Variants in LDLRAD3 observed in about 807,000 individuals in gnomAD.
The protein encoded by LDLRAD3 is low density lipoprotein receptor class A domain containing 3, also known as low-density lipoprotein receptor class A domain-containing protein 3.
Under a neutral mutation model 29.4 loss-of-function variants are expected in LDLRAD3, and 20 were observed. The observed-to-expected ratio is 0.68, with a 90% CI of 0.48 to 0.99. The LOEUF (loss-of-function observed/expected upper bound fraction) is 0.99. Ranked by LOEUF, LDLRAD3 falls within the 50% of genes least tolerant of loss-of-function variation. The probability of loss-of-function intolerance (pLI) is 0.00; values close to 1 mark genes in which losing one functional copy is unlikely to be tolerated. For synonymous variants in LDLRAD3, 157 were observed against 192.7 expected (o/e 0.81, Z 1.53); for missense variants, 420 against 454.3 (o/e 0.92, Z 0.69).
chr11:36,042,701 G>C (rs1852397432), intron 2 of LDLRAD3, among the ~76,000 whole-genome samples: 1 of 152,184 alleles, frequency 6.6e-6, no homozygotes, highest in Non-Finnish European at 1.5e-5. Flanking sequence ...TGTTAGGTGG[G>C]TCCTAATCCA....
intron 4 of LDLRAD3, among the ~76,000 whole-genome samples, chr11:36,192,249 T>C (rs991431597): frequency 2.6e-5 from 4 of 152,224 alleles, no homozygotes; most frequent in African/African-American, 9.7e-5. Flanking sequence ...ACTTTAAACG[T>C]GAGCTATCAA....
intron 4 of LDLRAD3, among the ~76,000 whole-genome samples, chr11:36,104,289 A>C (rs1459643812): frequency 1.3e-5 from 2 of 152,200 alleles, no homozygotes; most frequent in Admixed American, 1.3e-4. Context: ...TCAAACAGAG[A>C]CATCTGCAGC....
At chr11:36,192,291 G>A (rs1284141760) in intron 4 of LDLRAD3, among the ~76,000 whole-genome samples, 1 of 152,152 alleles carries the variant, frequency 6.6e-6, no homozygotes, top group Non-Finnish European at 1.5e-5. Context: ...CTCTAGCCTC[G>A]CAACAGATGA....
At position 36,158,525 on chromosome 11, in the gene LDLRAD3, C is replaced by CTT. The variant is rs61352747; in HGVS notation, c.454+60081_454+60082dup. On this transcript the variant is annotated intron_variant, in intron 4 of 5. Transcript: ENST00000315571. The stretch of plus-strand genomic sequence containing the variant: ...TTCGTTCCACTTACCATGTTCTGGG[C>CTT]TTTTTTTTTTTTTTTTTTGCCACAG... Among the ~76,000 whole-genome samples, 108 of 107,108 alleles carry CTT rather than the reference C, an allele frequency of 1.0e-3. 9 individuals carry two copies. Among genetic ancestry groups the CTT allele is most frequent in the East Asian group, 2.0e-3 (7 of 3,466 alleles). 70.3% of individuals were successfully genotyped at this position (107,108 alleles called of 152,430 possible). A position where few individuals can be genotyped will look rare whatever the true frequency, so the allele number is the denominator to read the frequency against.
chr11:35,970,576 A>G (rs757263271), intron 1 of LDLRAD3, among the ~76,000 whole-genome samples: 7 of 152,262 alleles, frequency 4.6e-5, no homozygotes, highest in Non-Finnish European at 8.8e-5. Context: ...AATTAATTAC[A>G]GCAGCCCTTG....
intron 4 of LDLRAD3, among the ~76,000 whole-genome samples, chr11:36,205,777 A>G (rs1162782911): frequency 1.3e-5 from 2 of 152,188 alleles, no homozygotes; most frequent in Non-Finnish European, 2.9e-5. Context: ...TGTGTGTTCA[A>G]TTAGTGCAAT....
intron 4 of LDLRAD3, among the ~76,000 whole-genome samples, chr11:36,207,019 C>G (rs1855220374): frequency 1.3e-5 from 2 of 152,180 alleles, no homozygotes; most frequent in African/African-American, 4.8e-5. Context: ...AACCACTGCA[C>G]CCGACCCTGA....
intron 1 of LDLRAD3, among the ~76,000 whole-genome samples, chr11:35,995,336 G>GCAGAT (rs1365672760): frequency 6.6e-6 from 1 of 152,206 alleles, no homozygotes; most frequent in Non-Finnish European, 1.5e-5. Flanking sequence ...TTGCTACTGA[G>GCAGAT]CAGTAATATT....
At chr11:35,973,853 G>T (rs537275808) in intron 1 of LDLRAD3, among the ~76,000 whole-genome samples, 2 of 152,242 alleles carry the variant, frequency 1.3e-5, no homozygotes, top group South Asian at 4.2e-4. Context: ...CTAAATGAGG[G>T]TGCCATTTTT....
chr11:36,025,306 A>T (rs1852149352), intron 1 of LDLRAD3, among the ~76,000 whole-genome samples: 1 of 152,152 alleles, frequency 6.6e-6, no homozygotes, highest in Non-Finnish European at 1.5e-5. Context: ...GGGTAGCGAA[A>T]AGTTACCAAG....
chr11:36,120,440 G>T (rs993032560), intron 4 of LDLRAD3, among the ~76,000 whole-genome samples: 1 of 152,104 alleles, frequency 6.6e-6, no homozygotes, highest in South Asian at 2.1e-4. Flanking sequence ...TATGTGCTAG[G>T]CACTCTCCTG....
chr11:36,115,829 G>A (rs1853666862), intron 4 of LDLRAD3, among the ~76,000 whole-genome samples: 6 of 152,198 alleles, frequency 3.9e-5, no homozygotes, highest in Admixed American at 3.9e-4. Flanking sequence ...GGATATGGAG[G>A]AGAACATTAG....
chr11:36,145,904 A>G (rs1441026714), intron 4 of LDLRAD3, among the ~76,000 whole-genome samples: 1 of 151,784 alleles, frequency 6.6e-6, no homozygotes, highest in Admixed American at 6.6e-5. Flanking sequence ...GGAAAACCAG[A>G]GACCTTTGTT....
intron 2 of LDLRAD3, among the ~76,000 whole-genome samples, chr11:36,045,326 T>A (rs1049323907): frequency 6.6e-6 from 1 of 152,204 alleles, no homozygotes; most frequent in African/African-American, 2.4e-5. Context: ...TACAAAGTGC[T>A]CCAAATCTTT....
chr11:36,147,496 C>A (rs1854215082), intron 4 of LDLRAD3, among the ~76,000 whole-genome samples: 1 of 152,152 alleles, frequency 6.6e-6, no homozygotes, highest in Non-Finnish European at 1.5e-5. Flanking sequence ...ATCTAAAGTT[C>A]CTTAACTCAA....
chr11:36,091,067 C>T (rs1853273447), intron 3 of LDLRAD3, among the ~76,000 whole-genome samples: 1 of 152,154 alleles, frequency 6.6e-6, no homozygotes, highest in Non-Finnish European at 1.5e-5. Context: ...CGCCCTCTAT[C>T]CTCTAGAAGA....
intron 4 of LDLRAD3, among the ~76,000 whole-genome samples, chr11:36,132,156 G>A (rs1853935598): frequency 6.6e-6 from 1 of 152,074 alleles, no homozygotes; most frequent in African/African-American, 2.4e-5. Context: ...CAGACAGGGT[G>A]AGATTAATAT....
At chr11:36,120,443 C>G (rs1304162985) in intron 4 of LDLRAD3, among the ~76,000 whole-genome samples, 1 of 152,098 alleles carries the variant, frequency 6.6e-6, no homozygotes, top group African/African-American at 2.4e-5. Context: ...GTGCTAGGCA[C>G]TCTCCTGAGC....
intron 3 of LDLRAD3, among the ~76,000 whole-genome samples, chr11:36,091,829 T>C (rs185497414): frequency 2.0e-5 from 3 of 152,304 alleles, no homozygotes; most frequent in East Asian, 3.9e-4. Context: ...ATGAAATGTT[T>C]CCTGGTCTGT....
Sources: allele counts gnomAD v4.1 joint callset (sites outside exome capture counted in the v4.1 genomes callset), GRCh38; gene constraint gnomAD v4.1.1; transcripts MANE v1.5; gene names NCBI Gene and HGNC (gene_info 2026-07-23, HGNC 2026-07-21).